NAAA: variants seen among roughly 807,000 people sequenced by gnomAD.
NAAA encodes N-acylethanolamine acid amidase.
Under a neutral mutation model 44.8 loss-of-function variants are expected in NAAA, and 39 were observed. That is an observed-to-expected ratio of 0.87 (90% CI 0.67 to 1.14). The LOEUF (loss-of-function observed/expected upper bound fraction) is 1.14, where lower values mean the gene tolerates loss of function less well. Ranked by LOEUF, NAAA falls within the 50% of genes most tolerant of loss-of-function variation. The pLI is 0.00. For missense variants in NAAA, 460 were observed against 467.8 expected (o/e 0.98, Z 0.15); for synonymous variants, 178 against 191.3 (o/e 0.93, Z 0.58).
rs777375993 is a variant in NAAA, at chr4:75,920,949, A to C, written c.839+2T>G. Reference sequence around the variant, plus strand: ...ATGACCAGAGCTTTCAATTCTACTTACGCTCCATTCAAAGGATCTAGAGGC... The same window carrying C: ...ATGACCAGAGCTTTCAATTCTACTTCCGCTCCATTCAAAGGATCTAGAGGC... On this transcript the variant is annotated splice_donor_variant, in intron 6 of 10. Transcript: ENST00000286733. LOFTEE classifies it high-confidence loss of function. 3 of 1,613,634 alleles carry C rather than the reference A, an allele frequency of 1.9e-6. No individual in the cohort carries two copies. Among genetic ancestry groups the C allele is most frequent in the African/African-American group, 2.7e-5 (2 of 74,846 alleles).
At chr4:75,930,864 C>T (rs1006804810) in intron 4 of NAAA, among the ~76,000 whole-genome samples, 4 of 152,152 alleles carry the variant, frequency 2.6e-5, no homozygotes, top group African/African-American at 7.2e-5. Context: ...TTACTACCTA[C>T]GGCCTTCATC....
At chr4:75,911,378 G>T, downstream of NAAA, 1 of 488,388 alleles carries the variant, frequency 2.0e-6, no homozygotes, top group Non-Finnish European at 4.2e-6. Context: ...CCAATTCACT[G>T]AGATCATACT....
chr4:75,938,112 G>C (rs945772623), intron 2 of NAAA, among the ~76,000 whole-genome samples: 1 of 152,216 alleles, frequency 6.6e-6, no homozygotes, highest in African/African-American at 2.4e-5. Context: ...TCACAAAACA[G>C]ATGATACCAT....
At chr4:75,925,166 G>A (rs561316337) in intron 5 of NAAA, among the ~76,000 whole-genome samples, 25 of 152,264 alleles carry the variant, frequency 1.6e-4, no homozygotes, top group African/African-American at 6.0e-4. Flanking sequence ...CTCGCGAGTA[G>A]CTGGGATTAC....
intron 3 of NAAA, among the ~76,000 whole-genome samples, chr4:75,934,329 G>T: frequency 6.6e-6 from 1 of 151,662 alleles, no homozygotes; most frequent in East Asian, 1.9e-4. Context: ...TTTTGTTGTT[G>T]TTGTTGAGAT....
chr4:75,914,679 G>A (rs570698202), intron 10 of NAAA, among the ~76,000 whole-genome samples, 189 bp downstream of exon 10: 2 of 152,198 alleles, frequency 1.3e-5, no homozygotes, highest in South Asian at 2.1e-4. Context: ...ACGCCCCGCC[G>A]AAGATTGGTT....
Position 75,936,147 on chromosome 4 carries a change from T to G in NAAA, c.460A>C (p.Lys154Gln). The G allele has an allele frequency of 6.2e-7, 1 of 1,614,098 alleles. No homozygotes were observed. Among genetic ancestry groups the G allele is most frequent in the Non-Finnish European group, 8.5e-7 (1 of 1,179,970 alleles). The change falls in exon 3 of 11, where the codon AAG (lysine) becomes CAG (glutamine). Residue 154 changes from lysine (K) to glutamine (Q), a missense_variant. Transcript: ENST00000286733. ...LDYPFGNVLR[K>Q]LTVDVQFLKN... ...AAGAATTGCACATCCACTGTCAGCT[T>G]GCGTAAGACATTCCCAAAAGGATAA...
Position 75,914,280 on chromosome 4 carries a change from C to T in NAAA, c.*95G>A, listed in dbSNP as rs1725462867. 1 of 985,282 alleles carries T rather than the reference C, an allele frequency of 1.0e-6. No homozygotes were observed. The highest frequency in any genetic ancestry group is 1.2e-6 in the Non-Finnish European group (1 of 829,702). The allele number at this position is 985,282 out of a possible 1,614,324, so 61.0% of individuals were successfully genotyped here. Reference sequence around the variant, plus strand: ...TGTTTGTAACATAATACAATACTTTCACTTTGTCTTATTTTTTAAGGTGCA... The same window carrying T: ...TGTTTGTAACATAATACAATACTTTTACTTTGTCTTATTTTTTAAGGTGCA... On this transcript the variant is annotated 3_prime_UTR_variant, in exon 11 of 11. Transcript: ENST00000286733.
chr4:75,916,778 CTTTTTTTTTTTTTT>C (rs35739236), intron 9 of NAAA, among the ~76,000 whole-genome samples: 6 of 76,938 alleles, frequency 7.8e-5, no homozygotes, highest in Middle Eastern at 0.01. Context: ...TTCATCACTT[CTTTTTTTTTTTTTT>C]TTTTTTTTTT....
Position 75,925,798 on chromosome 4 carries a change from C to T in NAAA, c.603G>A (p.Trp201Ter), listed in dbSNP as rs753806859. ...ACAGGGCAGCGATAGCATTCTCCCA[C>T]CACCAGCCTTTATCTGCCAAGTTGA... is the stretch of plus-strand genomic sequence containing the variant. The part of the protein sequence containing the change: ...VSGDERDKGW[W>*]WENAIAALFR... Residue 201 changes from tryptophan (W) to a stop codon, truncating the protein, a stop_gained, in exon 5 of 11, where the codon TGG becomes TGA. Transcript: ENST00000286733. LOFTEE classifies it high-confidence loss of function. 6.2e-7 allele frequency: 1 copy of T among 1,614,174 alleles called. No homozygotes were observed. Among genetic ancestry groups the T allele is most frequent in the Non-Finnish European group, 8.5e-7 (1 of 1,180,034 alleles).
chr4:75,926,009 A>G (rs997706099), intron 4 of NAAA, among the ~76,000 whole-genome samples, 198 bp from the exon 5 acceptor site: 2 of 152,250 alleles, frequency 1.3e-5, no homozygotes, highest in Non-Finnish European at 2.9e-5. Flanking sequence ...AAAATTATGT[A>G]GCCATCAAGG....
chr4:75,922,892 G>A (rs1019339029), intron 5 of NAAA, among the ~76,000 whole-genome samples: 15 of 152,242 alleles, frequency 9.9e-5, no homozygotes, highest in Non-Finnish European at 2.1e-4. Context: ...CAAAGCAAAA[G>A]AACATCCATA....
chr4:75,916,372 C>T (rs1351454099), intron 9 of NAAA: 1 of 152,174 alleles, frequency 6.6e-6, no homozygotes, highest in Non-Finnish European at 1.5e-5. Context: ...TGGTGATTGT[C>T]ACTTAAAAGC....
rs1726631838 is a variant in NAAA, at chr4:75,925,830, A to G, written c.590-19T>C. Reference sequence around the variant, plus strand: ...CCTTTATCTGCCAAGTTGAGTATATATGTTATATATGTGTGTGTATATATG... The same window carrying G: ...CCTTTATCTGCCAAGTTGAGTATATGTGTTATATATGTGTGTGTATATATG... On this transcript the variant is annotated intron_variant, in intron 4 of 10. Coordinates refer to ENST00000286733, the MANE Select transcript of NAAA (RefSeq NM_014435.4). 6.2e-7 allele frequency: 1 copy of G among 1,608,178 alleles called. No individual in the cohort carries two copies. Among genetic ancestry groups the G allele is most frequent in the Admixed American group, 1.7e-5 (1 of 59,988 alleles).
intron 4 of NAAA, among the ~76,000 whole-genome samples, chr4:75,926,810 G>C (rs888821050): frequency 3.3e-5 from 5 of 152,060 alleles, no homozygotes; most frequent in African/African-American, 1.2e-4. Flanking sequence ...TTTTAGATCA[G>C]CCTGGGGAAA....
intron 3 of NAAA, chr4:75,935,053 A>G (rs1727587906): frequency 6.6e-6 from 1 of 152,220 alleles, no homozygotes; most frequent in Non-Finnish European, 1.5e-5. Context: ...ATTTCCTTTG[A>G]GAATTTATTA....
intron 5 of NAAA, among the ~76,000 whole-genome samples, chr4:75,924,046 C>G (rs967522001): frequency 6.6e-6 from 1 of 152,176 alleles, no homozygotes; most frequent in African/African-American, 2.4e-5. Flanking sequence ...ATAAAACCTC[C>G]TTCATTTCAC....
At chr4:75,923,544 CT>C (rs980320858) in intron 5 of NAAA, among the ~76,000 whole-genome samples, 243 of 142,774 alleles carry the variant, frequency 1.7e-3, no homozygotes, top group Admixed American at 1.8e-3. Context: ...CTTCTTTTTT[CT>C]TTTTTTTTTT....
downstream of NAAA, chr4:75,911,278 T>C: frequency 2.0e-6 from 1 of 512,332 alleles, no homozygotes; most frequent in African/African-American, 1.9e-5. Flanking sequence ...GATGTATACG[T>C]GCAGGTCACA....
Sources: allele counts gnomAD v4.1 joint callset (sites outside exome capture counted in the v4.1 genomes callset), GRCh38; gene constraint gnomAD v4.1.1; transcripts MANE v1.5; gene names NCBI Gene and HGNC (gene_info 2026-07-23, HGNC 2026-07-21).